Variants in EIF2AK3 observed in about 807,000 individuals in gnomAD.
The protein encoded by EIF2AK3 is eukaryotic translation initiation factor 2-alpha kinase 3.
In EIF2AK3, 50 loss-of-function variants were observed where a neutral mutation model predicts 113.5. That is an observed-to-expected ratio of 0.44 (90% CI 0.35 to 0.56). The LOEUF is 0.56. EIF2AK3 is among the 20% of genes least tolerant of loss of function. EIF2AK3 has a pLI of 0.00. For synonymous variants in EIF2AK3, 448 were observed against 495.4 expected (o/e 0.90, Z 1.27); for missense variants, 1,185 against 1,378.0 (o/e 0.86, Z 2.22).
chr2:88,588,054 A>G lies in EIF2AK3; in HGVS notation c.1357T>C (p.Cys453Arg). 1 of 1,568,594 alleles carries G rather than the reference A, an allele frequency of 6.4e-7. No homozygotes were observed. The highest frequency in any genetic ancestry group is 1.2e-5 in the South Asian group (1 of 86,020). Reference sequence around the variant, plus strand: ...TGAGAAAACTTATCATTACTGAGACATTTGTCAAATTCATCAGATCCTACC... The same window carrying G: ...TGAGAAAACTTATCATTACTGAGACGTTTGTCAAATTCATCAGATCCTACC... Reference protein sequence around the residue: ...VLVGSDEFDKCLSNDKFSHEE... With the variant: ...VLVGSDEFDKRLSNDKFSHEE... Residue 453 changes from cysteine (C) to arginine (R), a missense_variant, in exon 8 of 17, where the codon TGT (cysteine) becomes CGT (arginine). By Grantham distance (180) the Cys-to-Arg change is radical. Coordinates refer to ENST00000303236, the MANE Select transcript of EIF2AK3 (RefSeq NM_004836.7).
At chr2:88,627,904 A>AAGTG (rs1675919371), upstream of EIF2AK3, 1 of 151,994 alleles carries the variant, frequency 6.6e-6, no homozygotes, top group Non-Finnish European at 1.5e-5. Context: ...GGACTGTCCC[A>AAGTG]AGTGAAGAGT....
At chr2:88,604,558 T>C (rs1216237719) in intron 2 of EIF2AK3, among the ~76,000 whole-genome samples, 2 of 152,202 alleles carry the variant, frequency 1.3e-5, no homozygotes, top group African/African-American at 4.8e-5. Flanking sequence ...ATTTGTACTA[T>C]AATTATTTCA....
intron 1 of EIF2AK3, among the ~76,000 whole-genome samples, chr2:88,615,270 C>G (rs572791728): frequency 6.6e-6 from 1 of 152,232 alleles, no homozygotes; most frequent in Non-Finnish European, 1.5e-5. Context: ...TGAGGTCTTG[C>G]TCCTGCAAAT....
At chr2:88,593,761 T>TA (rs1674942289) in intron 3 of EIF2AK3, among the ~76,000 whole-genome samples, 1 of 152,174 alleles carries the variant, frequency 6.6e-6, no homozygotes. Flanking sequence ...AAATCAACCT[T>TA]AGAGTTTCTG....
At chr2:88,591,157 G>T in intron 4 of EIF2AK3, 105 bp from the exon 5 acceptor site, 1 of 1,026,338 alleles carries the variant, frequency 9.7e-7, no homozygotes, top group Non-Finnish European at 1.5e-6. Flanking sequence ...ATTATGTGAT[G>T]AGAAAACTAA....
intron 14 of EIF2AK3, 25 bp downstream of exon 14, chr2:88,570,849 G>C (rs1314112559): frequency 6.2e-7 from 1 of 1,613,538 alleles, no homozygotes; most frequent in East Asian, 2.2e-5. Flanking sequence ...TGCTGTGCTA[G>C]TAAGTAAAGG....
At chr2:88,576,371 G>A (rs369493075) in intron 12 of EIF2AK3, among the ~76,000 whole-genome samples, 183 bp downstream of exon 12, 1 of 151,870 alleles carries the variant, frequency 6.6e-6, no homozygotes, top group African/African-American at 2.4e-5. Context: ...TGAGTCACCC[G>A]TGTATGTTCT....
intron 15 of EIF2AK3, among the ~76,000 whole-genome samples, chr2:88,559,692 C>CTAA: frequency 6.6e-6 from 1 of 152,206 alleles, no homozygotes; most frequent in East Asian, 1.9e-4. Context: ...CTGAATATTT[C>CTAA]ATAAAAACTG....
intron 13 of EIF2AK3, among the ~76,000 whole-genome samples, chr2:88,572,818 C>T (rs1674347077): frequency 6.6e-6 from 1 of 152,186 alleles, no homozygotes; most frequent in Non-Finnish European, 1.5e-5. Context: ...AGATATGGTT[C>T]ATACCCCATA....
intron 1 of EIF2AK3, among the ~76,000 whole-genome samples, chr2:88,616,080 T>C (rs1558664282): frequency 6.6e-6 from 1 of 152,186 alleles, no homozygotes; most frequent in Non-Finnish European, 1.5e-5. Flanking sequence ...TTCTGGTTCC[T>C]TCTTATCTTT....
chr2:88,586,928 C>T (rs981718804), intron 8 of EIF2AK3, among the ~76,000 whole-genome samples: 10 of 149,884 alleles, frequency 6.7e-5, no homozygotes, highest in East Asian at 2.1e-4. Context: ...ATAAAGGAGC[C>T]GGGCACAGTG....
At chr2:88,599,454 A>G (rs182070972) in intron 2 of EIF2AK3, among the ~76,000 whole-genome samples, 25 of 152,044 alleles carry the variant, frequency 1.6e-4, no homozygotes, top group African/African-American at 5.8e-4. Flanking sequence ...TATAATAACA[A>G]TAAGTAGTAT....
chr2:88,602,479 G>A (rs1675180490), intron 2 of EIF2AK3, among the ~76,000 whole-genome samples: 1 of 152,124 alleles, frequency 6.6e-6, no homozygotes, highest in Admixed American at 6.5e-5. Flanking sequence ...CTCACTGAAT[G>A]TAGAGATAAG....
intron 3 of EIF2AK3, among the ~76,000 whole-genome samples, chr2:88,594,943 C>T (rs920759868): frequency 6.6e-6 from 1 of 151,490 alleles, no homozygotes; most frequent in Non-Finnish European, 1.5e-5. Context: ...CTTATAATCC[C>T]AGCACTTTGG....
At chr2:88,578,511 C>T (rs1022015246) in intron 11 of EIF2AK3, among the ~76,000 whole-genome samples, 2 of 151,908 alleles carry the variant, frequency 1.3e-5, no homozygotes, top group African/African-American at 4.8e-5. Context: ...AGTGAAACCC[C>T]ATCTCTACTA....
intron 1 of EIF2AK3, among the ~76,000 whole-genome samples, chr2:88,619,535 C>T (rs1031254766): frequency 4.6e-5 from 7 of 152,226 alleles, no homozygotes; most frequent in African/African-American, 1.7e-4. Flanking sequence ...ATTCCTGCCA[C>T]TTAAAAGGGT....
Position 88,574,969 on chromosome 2 carries a change from A to AGTTAGTTTATT in EIF2AK3, c.2503_2513dup (p.Ala839IlefsTer3). 1 of 1,614,186 alleles carries AGTTAGTTTATT rather than the reference A, an allele frequency of 6.2e-7. No homozygotes were observed. Among genetic ancestry groups the AGTTAGTTTATT allele is most frequent in the Non-Finnish European group, 8.5e-7 (1 of 1,180,018 alleles). The stretch of plus-strand genomic sequence containing the variant: ...ATTTGCTACTGGTGGGCTTGAAAGC[A>AGTTAGTTTATT]GTTAGTTTATTAGCACAATGGTTGC... On this transcript the variant is annotated stop_gained and frameshift_variant, in exon 13 of 17. Transcript: ENST00000303236. LOFTEE classifies it high-confidence loss of function.
At chr2:88,593,819 C>G in intron 3 of EIF2AK3, 1 of 854,188 alleles carries the variant, frequency 1.2e-6, no homozygotes, top group Non-Finnish European at 1.4e-6. Flanking sequence ...TTTCTGAGAG[C>G]TTTTTGTATT....
At chr2:88,577,280 G>A (rs1674485669) in intron 11 of EIF2AK3, among the ~76,000 whole-genome samples, 2 of 151,972 alleles carry the variant, frequency 1.3e-5, no homozygotes, top group Admixed American at 6.6e-5. Context: ...ACCGTGCCCG[G>A]CTAGCCTAGG....
Sources: gnomAD v4.1 joint callset for allele counts (sites outside exome capture counted in the v4.1 genomes callset) on GRCh38, gnomAD v4.1.1 for gene constraint, MANE v1.5 for transcripts, NCBI Gene and HGNC (gene_info 2026-07-23, HGNC 2026-07-21) for gene names.